The following AKNA variants were observed in gnomAD, a reference collection of about 807,000 sequenced individuals.
AKNA encodes the protein microtubule organization protein AKNA.
A neutral mutation model predicts 138.8 loss-of-function variants in AKNA; 67 were observed. That is an observed-to-expected ratio of 0.48 (90% CI 0.40 to 0.59). AKNA has a LOEUF of 0.59. AKNA is among the 20% of genes least tolerant of loss of function. AKNA has a pLI of 0.00. For missense variants in AKNA, 1,813 were observed against 1,880.4 expected, an observed-to-expected ratio of 0.96 and a Z score of 0.66; for synonymous variants, 737 against 754.4, an observed-to-expected ratio of 0.98 and a Z score of 0.38.
chr9:114,338,768 G>C (rs1044247464), intron 21 of AKNA, among the ~76,000 whole-genome samples: 3 of 152,176 alleles, frequency 2.0e-5, no homozygotes, highest in African/African-American at 7.2e-5. Flanking sequence ...GCTTAGAGCT[G>C]ATGGAAAATT....
downstream of AKNA, chr9:114,331,781 C>G: frequency 1.9e-6 from 3 of 1,600,158 alleles, no homozygotes; most frequent in Non-Finnish European, 1.7e-6. Context: ...GGCCTCCCGC[C>G]GGGCCCCACC....
intron 19 of AKNA, among the ~76,000 whole-genome samples, chr9:114,343,355 G>A (rs1030103297): frequency 6.6e-6 from 1 of 152,090 alleles, no homozygotes; most frequent in Non-Finnish European, 1.5e-5. Context: ...CTGGATTATC[G>A]GGCCACTGCT....
intron 14 of AKNA, among the ~76,000 whole-genome samples, chr9:114,353,366 C>A (rs1057218607): frequency 4.6e-5 from 7 of 151,992 alleles, no homozygotes; most frequent in African/African-American, 1.7e-4. Flanking sequence ...CGGGTTTAAG[C>A]CATTCTCCTG....
At chr9:114,345,589 A>G (rs1213157625) in intron 18 of AKNA, 12 of 353,394 alleles carry the variant, frequency 3.4e-5, no homozygotes, top group Non-Finnish European at 5.7e-5. Context: ...CTTCTTTAGG[A>G]TTGACCAGCT....
intron 4 of AKNA, among the ~76,000 whole-genome samples, chr9:114,369,113 T>A (rs376468269): frequency 6.6e-6 from 1 of 152,202 alleles, no homozygotes; most frequent in Non-Finnish European, 1.5e-5. Flanking sequence ...AACCAGCAAG[T>A]AAACAAACTA....
At position 114,359,975 on chromosome 9, in the gene AKNA, C is replaced by CA; in HGVS notation, c.2211_2212insT (p.Asp738Ter). 6.2e-7 allele frequency: 1 copy of CA among 1,614,228 alleles called. No individual in the cohort carries two copies. The highest frequency in any genetic ancestry group is 8.5e-7 in the Non-Finnish European group (1 of 1,180,034). ...CGGGCCAGGGGGTCCTGTGGCCTGT[C>CA]CTCCACCTCACTGTTGCCAGAGCTC... On this transcript the variant is annotated frameshift_variant, in exon 10 of 22. Transcript: ENST00000374088. LOFTEE classifies it high-confidence loss of function.
chr9:114,353,252 T>C lies in AKNA; in HGVS notation c.3059-2231A>G, dbSNP rs976611725. Among the ~76,000 whole-genome samples the C allele has an allele frequency of 1.3e-4, 16 of 119,754 alleles. 1 individual carries two copies. The highest frequency in any genetic ancestry group is 5.1e-3 in the Middle Eastern group (1 of 198). 78.6% of individuals were successfully genotyped at this position (119,754 alleles called of 152,430 possible). A position where few individuals can be genotyped will look rare whatever the true frequency, so the allele number is the denominator to read the frequency against. ...CCAAATATTCACATATAAAATGATC[T>C]TATTTTTTGTTTTTTTTTTTTATGT... On this transcript the variant is annotated intron_variant, in intron 14 of 21. Transcript: ENST00000374088.
chr9:114,361,739 C>A lies in AKNA; in HGVS notation c.2089G>T (p.Ala697Ser), dbSNP rs139827425. The A allele has an allele frequency of 9.5e-5, 153 of 1,613,522 alleles. No homozygotes were observed. The African/African-American group carries it at 1.8e-3, about 19-fold the overall frequency. Residue 697 changes from alanine to serine, a missense_variant, in exon 9 of 22, where the codon GCC (alanine) becomes TCC (serine). Transcript: ENST00000374088. ...GAGGTCTTGATGGCTGGCATGGGGG[C>A]TTGTCCAGAAGGAGCAGGCAGGTGC... ...PTHLPAPSGQ[A>S]PMPAIKTSCP... is the part of the protein sequence containing the mutation.
In AKNA at chr9:114,364,184, C is replaced by G. The variant is rs1299147910; in HGVS notation, c.1788+376G>C. Among the ~76,000 whole-genome samples the G allele has an allele frequency of 2.0e-5, 3 of 152,044 alleles. No individual in the cohort carries two copies. The South Asian group carries it at 6.2e-4, about 32-fold the overall frequency. On this transcript the variant is annotated intron_variant, in intron 7 of 21. Coordinates refer to ENST00000374088, the MANE Select transcript of AKNA (RefSeq NM_001317950.2). The stretch of plus-strand genomic sequence containing the variant: ...TATGACCCTGGATTTGAAAGAGAGA[C>G]AGACCTGGCTCCAGGTTCTCCTGCC...
intron 15 of AKNA, among the ~76,000 whole-genome samples, chr9:114,349,797 G>A (rs887218633): frequency 3.3e-5 from 5 of 152,154 alleles, no homozygotes; most frequent in African/African-American, 1.2e-4. Flanking sequence ...GGATCTGGCT[G>A]ACCGTTTAGC....
downstream of AKNA, chr9:114,330,792 C>T: frequency 6.2e-7 from 1 of 1,613,642 alleles, no homozygotes. Context: ...TTGACTTTAG[C>T]CAGAACCAGT....
At chr9:114,389,135 G>A (rs773673914), upstream of AKNA, among the ~76,000 whole-genome samples, 1 of 152,180 alleles carries the variant, frequency 6.6e-6, no homozygotes, top group Non-Finnish European at 1.5e-5. Context: ...GGGGCAGAGT[G>A]TTCTGGGAGG....
intron 4 of AKNA, among the ~76,000 whole-genome samples, chr9:114,372,334 G>C (rs927145448): frequency 1.3e-5 from 2 of 151,948 alleles, no homozygotes; most frequent in Admixed American, 6.6e-5. Context: ...GACTACACAT[G>C]GGGGGGACCC....
chr9:114,346,799 G>A lies in AKNA; in HGVS notation c.3399-15C>T, dbSNP rs769693334. On this transcript the variant is annotated splice_polypyrimidine_tract_variant and intron_variant, in intron 16 of 21. Coordinates refer to ENST00000374088, the MANE Select transcript of AKNA (RefSeq NM_001317950.2). Reference sequence around the variant, plus strand: ...CTGTGGATTTACTAGCAAAAGGAAAGAGAGATGATGTCATTGGATGAGGTT... The same window carrying A: ...CTGTGGATTTACTAGCAAAAGGAAAAAGAGATGATGTCATTGGATGAGGTT... The A allele has an allele frequency of 1.2e-6, 2 of 1,604,498 alleles. No individual in the cohort carries two copies. Among genetic ancestry groups the A allele is most frequent in the Admixed American group, 1.7e-5 (1 of 59,332 alleles).
chr9:114,340,344 CAAG>C (rs996742340), intron 21 of AKNA, among the ~76,000 whole-genome samples: 1 of 152,212 alleles, frequency 6.6e-6, no homozygotes, highest in African/African-American at 2.4e-5. Context: ...ACAGCTGAGA[CAAG>C]AAGACAGGTT....
At position 114,350,800 on chromosome 9, in the gene AKNA, C is replaced by T. The variant is rs564347565; in HGVS notation, c.3221+59G>A. ...TCCACCTCCACCTGCTAACACGTCGCATCACGCTCCCGTCTGTATGATGAG... is the reference window on the plus strand; with the variant it reads ...TCCACCTCCACCTGCTAACACGTCGTATCACGCTCCCGTCTGTATGATGAG... On this transcript the variant is annotated intron_variant, in intron 15 of 21. Coordinates refer to ENST00000374088, the MANE Select transcript of AKNA (RefSeq NM_001317950.2). 8 of 1,492,264 alleles carry T rather than the reference C, an allele frequency of 5.4e-6. No homozygotes were observed. In the African/African-American group the frequency reaches 1.1e-4, roughly 21 times the overall value. The allele number at this position is 1,492,264 out of a possible 1,614,324, so 92.4% of individuals were successfully genotyped here. A position where few individuals can be genotyped will look rare whatever the true frequency, so the allele number is the denominator to read the frequency against.
downstream of AKNA, among the ~76,000 whole-genome samples, chr9:114,332,242 G>A (rs1431121442): frequency 0.026 from 3,632 of 142,318 alleles, no homozygotes; most frequent in Admixed American, 0.035. Flanking sequence ...ACCTACAGAC[G>A]CGTCCCAAAC....
chr9:114,346,469 C>T (rs1437199134), intron 17 of AKNA, among the ~76,000 whole-genome samples, 200 bp downstream of exon 17: 1 of 152,228 alleles, frequency 6.6e-6, no homozygotes, highest in East Asian at 1.9e-4. Flanking sequence ...GCTACAAAGC[C>T]CTTACAGACA....
In AKNA at chr9:114,362,543, G is replaced by A; in HGVS notation, c.1789-10C>T. On this transcript the variant is annotated splice_polypyrimidine_tract_variant and intron_variant, in intron 7 of 21. Transcript: ENST00000374088. Reference sequence around the variant, plus strand: ...TCAGCCGCTGGAAGCCCTGAAACCAGACCAGGCCAGGAAGACTTGAGTGCT... The same window carrying A: ...TCAGCCGCTGGAAGCCCTGAAACCAAACCAGGCCAGGAAGACTTGAGTGCT... The A allele has an allele frequency of 6.2e-7, 1 of 1,611,908 alleles. No individual in the cohort carries two copies. The highest frequency in any genetic ancestry group is 1.3e-5 in the African/African-American group (1 of 74,996).
Sources: allele counts gnomAD v4.1 joint callset (sites outside exome capture counted in the v4.1 genomes callset), GRCh38; gene constraint gnomAD v4.1.1; transcripts MANE v1.5; gene names NCBI Gene and HGNC (gene_info 2026-07-23, HGNC 2026-07-21).